The following DDC variants were observed in gnomAD, a reference collection of about 807,000 sequenced individuals.
DDC encodes dopa decarboxylase, also known as aromatic-L-amino-acid decarboxylase.
Under a neutral mutation model 60.0 loss-of-function variants are expected in DDC, and 43 were observed. The observed-to-expected ratio is 0.72, with a 90% CI of 0.56 to 0.92. DDC has a LOEUF of 0.92. DDC is among the 40% of genes least tolerant of loss of function. DDC has a pLI of 0.00. For synonymous variants in DDC, 232 were observed against 234.6 expected (o/e 0.99, Z 0.10); for missense variants, 573 against 620.2 (o/e 0.92, Z 0.81).
At chr7:50,532,473 G>A (rs2044248538) in intron 4 of DDC, among the ~76,000 whole-genome samples, 2 of 152,224 alleles carry the variant, frequency 1.3e-5, no homozygotes, top group African/African-American at 4.8e-5. Context: ...ATGAGCTGGT[G>A]TAACAGTCAT....
chr7:50,498,426 C>G (rs1173196971), intron 8 of DDC, among the ~76,000 whole-genome samples: 1 of 152,230 alleles, frequency 6.6e-6, no homozygotes, highest in East Asian at 1.9e-4. Flanking sequence ...TCAGGACCCT[C>G]TATGGCATTC....
chr7:50,550,674 C>T (rs549047553), intron 1 of DDC, among the ~76,000 whole-genome samples: 62 of 152,308 alleles, frequency 4.1e-4, no homozygotes, highest in African/African-American at 1.4e-3. Flanking sequence ...AAGCAAGGCC[C>T]TCCCGCTGTG....
chr7:50,563,676 A>G (rs1055829640), intron 1 of DDC, among the ~76,000 whole-genome samples: 5 of 152,124 alleles, frequency 3.3e-5, no homozygotes, highest in African/African-American at 1.2e-4. Flanking sequence ...ATCTCGGCTC[A>G]CCGCAACCTC....
chr7:50,466,327 A>G (rs1202476936), intron 13 of DDC, among the ~76,000 whole-genome samples: 1 of 152,000 alleles, frequency 6.6e-6, no homozygotes, highest in African/African-American at 2.4e-5. Context: ...ATCTCTAAAA[A>G]TACAAAAATT....
chr7:50,524,235 G>T (rs750916580), intron 6 of DDC, among the ~76,000 whole-genome samples: 1 of 152,074 alleles, frequency 6.6e-6, no homozygotes, highest in Non-Finnish European at 1.5e-5. Context: ...ACACTGAAAT[G>T]GTAGATACTT....
intron 2 of DDC, among the ~76,000 whole-genome samples, chr7:50,540,453 T>C (rs1374504876): frequency 6.6e-6 from 1 of 151,472 alleles, no homozygotes; most frequent in African/African-American, 2.4e-5. Context: ...TTCCTAAAAC[T>C]ACTCTAAAAA....
intron 6 of DDC, among the ~76,000 whole-genome samples, chr7:50,526,183 G>A (rs1276220457): frequency 6.6e-6 from 1 of 152,178 alleles, no homozygotes; most frequent in African/African-American, 2.4e-5. Context: ...TCCATTGGCG[G>A]CACAGAAGGA....
At chr7:50,481,200 G>A (rs189408846) in intron 9 of DDC, among the ~76,000 whole-genome samples, 5 of 152,210 alleles carry the variant, frequency 3.3e-5, no homozygotes, top group Non-Finnish European at 7.3e-5. Context: ...AATGGTCATT[G>A]AGCCTTTATT....
At chr7:50,493,310 C>G (rs141766558) in intron 9 of DDC, among the ~76,000 whole-genome samples, 1 of 152,160 alleles carries the variant, frequency 6.6e-6, no homozygotes, top group Non-Finnish European at 1.5e-5. Context: ...ACCCCTCCTC[C>G]GGACAGCCCA....
At chr7:50,543,301 A>T (rs532748404) in intron 2 of DDC, 5 of 165,196 alleles carry the variant, frequency 3.0e-5, no homozygotes, top group African/African-American at 1.2e-4. Context: ...TCTGAGCTCC[A>T]ACTCTGCTGC....
chr7:50,492,747 T>C, intron 9 of DDC: 5 of 1,428,936 alleles, frequency 3.5e-6, no homozygotes, highest in Non-Finnish European at 4.6e-6. Flanking sequence ...GTCTCTTCCC[T>C]ACATCACCTC....
At chr7:50,565,012 C>T (rs1286492856) in intron 1 of DDC, among the ~76,000 whole-genome samples, 1 of 152,176 alleles carries the variant, frequency 6.6e-6, no homozygotes. Flanking sequence ...ATCTGGCCCG[C>T]ATTTGCTACT....
chr7:50,509,896 G>A (rs534735330), intron 6 of DDC, among the ~76,000 whole-genome samples: 11 of 152,140 alleles, frequency 7.2e-5, no homozygotes, highest in Non-Finnish European at 1.5e-4. Context: ...AGTAATTTCA[G>A]GGCTATAAAT....
At chr7:50,524,241 T>C (rs574983843) in intron 6 of DDC, among the ~76,000 whole-genome samples, 1 of 152,306 alleles carries the variant, frequency 6.6e-6, no homozygotes, top group South Asian at 2.1e-4. Context: ...AAATGGTAGA[T>C]ACTTGTCATT....
intron 12 of DDC, 132 bp downstream of exon 12, chr7:50,469,941 T>C: frequency 1.5e-6 from 1 of 671,822 alleles, no homozygotes; most frequent in South Asian, 1.7e-5. Context: ...ATTGTGCCAT[T>C]GCACTCCAGC....
chr7:50,508,417 A>AACCTT (rs1367837973), intron 6 of DDC, among the ~76,000 whole-genome samples: 1 of 152,178 alleles, frequency 6.6e-6, no homozygotes, highest in Non-Finnish European at 1.5e-5. Context: ...AGCCCAGCAC[A>AACCTT]ACCTTCTCTT....
chr7:50,479,078 A>G lies in DDC; in HGVS notation c.1021+709T>C, dbSNP rs913220748. ...GGTTCTAGTTCAACGCCTACCATTA[A>G]TTAGCCAGATACACTGGCCCAAGTC... is the stretch of plus-strand genomic sequence containing the variant. On this transcript the variant is annotated intron_variant, in intron 10 of 14. Transcript: ENST00000444124. 2.6e-5 allele frequency among the ~76,000 whole-genome samples: 4 copies of G among 152,268 alleles called. No homozygotes were observed. In the South Asian group the frequency reaches 8.3e-4, roughly 31 times the overall value.
intron 6 of DDC, among the ~76,000 whole-genome samples, chr7:50,505,130 C>A (rs1355562081): frequency 2.6e-5 from 4 of 152,216 alleles, no homozygotes; most frequent in Admixed American, 1.3e-4. Context: ...ACTGGCACAG[C>A]CTGACTGTGT....
intron 9 of DDC, among the ~76,000 whole-genome samples, chr7:50,486,722 C>G (rs1397131578): frequency 6.6e-6 from 1 of 152,132 alleles, no homozygotes; most frequent in African/African-American, 2.4e-5. Flanking sequence ...ATGGTGGGGA[C>G]TTTGAAAGGC....
Sources: allele counts gnomAD v4.1 joint callset (sites outside exome capture counted in the v4.1 genomes callset), GRCh38; gene constraint gnomAD v4.1.1; transcripts MANE v1.5; gene names NCBI Gene and HGNC (gene_info 2026-07-23, HGNC 2026-07-21).